Variants in TET3 observed in about 807,000 individuals in gnomAD.
TET3 encodes the protein tet methylcytosine dioxygenase 3, also known as methylcytosine dioxygenase TET3.
In TET3, 19 loss-of-function variants were observed where a neutral mutation model predicts 141.4. The observed-to-expected ratio is 0.13, with a 90% CI of 0.09 to 0.20. The LOEUF is 0.20. Among genes scored for constraint, TET3 ranks in the 10% least tolerant of loss-of-function variants. The probability of loss-of-function intolerance (pLI) is 1.00; values close to 1 mark genes in which losing one functional copy is unlikely to be tolerated. For missense variants in TET3, 1,874 were observed against 2,356.9 expected (o/e 0.80, Z 4.24); for synonymous variants, 1,043 against 980.9 (o/e 1.06, Z -1.18).
intron 3 of TET3, among the ~76,000 whole-genome samples, chr2:74,032,782 C>T (rs1216980301): frequency 6.6e-6 from 1 of 152,152 alleles, no homozygotes; most frequent in African/African-American, 2.4e-5. Flanking sequence ...CTGTGCTCCC[C>T]CTTCACCCCC....
intron 4 of TET3, among the ~76,000 whole-genome samples, chr2:74,073,227 C>T (rs1573856025): frequency 6.6e-6 from 1 of 152,198 alleles, no homozygotes; most frequent in East Asian, 1.9e-4. Flanking sequence ...ATTACTGGGT[C>T]AGGCAGGATG....
intron 2 of TET3, among the ~76,000 whole-genome samples, chr2:73,989,154 G>A (rs1383963602): frequency 1.3e-5 from 2 of 152,066 alleles, no homozygotes; most frequent in Non-Finnish European, 2.9e-5. Context: ...GACCAGCCCA[G>A]CATTTAGCAG....
intron 3 of TET3, among the ~76,000 whole-genome samples, chr2:74,010,424 A>G (rs1176076557): frequency 6.6e-6 from 1 of 152,196 alleles, no homozygotes; most frequent in Non-Finnish European, 1.5e-5. Flanking sequence ...TCCCACCCCC[A>G]CAGCCACCAC....
Position 74,093,466 on chromosome 2 carries a change from G to C in TET3, c.3130-63G>C, listed in dbSNP as rs1573905905. On this transcript the variant is annotated intron_variant, in intron 9 of 11. Transcript: ENST00000409262. The surrounding 1 kb of genome is among the most constrained non-coding windows in gnomAD (Gnocchi z 4.2). ...CTCCTTCCAAGACCTGGCCTCCCCA[G>C]GTGCAGAATCGGGGCCACTCACCTC... The C allele has an allele frequency of 5.3e-5, 80 of 1,495,782 alleles. No homozygotes were observed. The highest frequency in any genetic ancestry group is 6.6e-5 in the Non-Finnish European group (74 of 1,114,938). 92.7% of individuals were successfully genotyped at this position (1,495,782 alleles called of 1,614,324 possible).
At chr2:74,007,653 G>A (rs976751610) in intron 3 of TET3, among the ~76,000 whole-genome samples, 2 of 152,100 alleles carry the variant, frequency 1.3e-5, no homozygotes, top group Non-Finnish European at 2.9e-5. Flanking sequence ...CTTCCACTCT[G>A]TTTTCTACTC....
intron 3 of TET3, among the ~76,000 whole-genome samples, chr2:74,044,241 G>A (rs1364446595): frequency 6.6e-6 from 1 of 152,012 alleles, no homozygotes; most frequent in Non-Finnish European, 1.5e-5. Flanking sequence ...ATACTTGAGG[G>A]ACTGATTTCT....
chr2:73,991,141 G>A (rs1684300763), intron 2 of TET3, among the ~76,000 whole-genome samples: 1 of 116,886 alleles, frequency 8.6e-6, no homozygotes, highest in Non-Finnish European at 1.8e-5. Flanking sequence ...ACAGGGTCTC[G>A]CTATTTTGCC....
the TET3 span, among the ~76,000 whole-genome samples, chr2:74,114,830 G>A: frequency 8.6e-6 from 1 of 116,416 alleles, no homozygotes; most frequent in African/African-American, 3.6e-5. Context: ...CTCCAGCCTG[G>A]GTGACAGAGA....
chr2:74,047,141 G>T lies in TET3; in HGVS notation c.1224G>T (p.Val408=). Residue 408 remains valine, a synonymous_variant, in exon 4 of 12, where the codon GTG becomes GTT. Coordinates refer to ENST00000409262, the MANE Select transcript of TET3 (RefSeq NM_001287491.2). ...ACCTCCGGGCTCCCTCATGGCCTGTGGTTCCTCCTGAAGAGCACTCATCTT... is the reference window on the plus strand; with the variant it reads ...ACCTCCGGGCTCCCTCATGGCCTGTTGTTCCTCCTGAAGAGCACTCATCTT... ...QSYLRAPSWP[V]VPPEEHSSFA... is the part of the protein sequence containing the mutation. 6.2e-7 allele frequency: 1 copy of T among 1,613,916 alleles called. No individual in the cohort carries two copies.
At chr2:74,075,394 T>C (rs974817956) in intron 5 of TET3, among the ~76,000 whole-genome samples, 2 of 141,672 alleles carry the variant, frequency 1.4e-5, no homozygotes, top group Admixed American at 7.6e-5. Flanking sequence ...AGTGGTGTGG[T>C]CTTGGCTCAC....
At chr2:74,022,094 C>CCTTTTTTTTTTTTTTTT (rs57671706) in intron 3 of TET3, among the ~76,000 whole-genome samples, 1 of 82,768 alleles carries the variant, frequency 1.2e-5, no homozygotes, top group African/African-American at 5.1e-5. Context: ...TTCTAGGACA[C>CCTTTTTTTTTTTTTTTT]TTTTTTTTTT....
intron 4 of TET3, among the ~76,000 whole-genome samples, chr2:74,057,436 C>T (rs532203149): frequency 3.0e-4 from 46 of 152,360 alleles, no homozygotes; most frequent in African/African-American, 1.1e-3. Context: ...GCTGAACTTT[C>T]AAACTAATAA....
intron 3 of TET3, among the ~76,000 whole-genome samples, chr2:74,037,205 G>A (rs1409476870): frequency 1.3e-5 from 2 of 152,152 alleles, no homozygotes; most frequent in Non-Finnish European, 2.9e-5. Flanking sequence ...CTCTGCAAGG[G>A]TTCCCCTAAA....
At chr2:74,124,734 G>C in the TET3 span, among the ~76,000 whole-genome samples, 43 of 148,724 alleles carry the variant, frequency 2.9e-4, no homozygotes, top group Non-Finnish European at 5.2e-4. Context: ...CAGCATGCTC[G>C]TTAAGAGTCA....
intron 2 of TET3, among the ~76,000 whole-genome samples, chr2:74,002,362 T>TCC (rs553878723): frequency 6.8e-6 from 1 of 146,438 alleles, no homozygotes; most frequent in African/African-American, 2.5e-5. Flanking sequence ...GAAGCGGGAA[T>TCC]CCCCCCCCAC....
intron 4 of TET3, among the ~76,000 whole-genome samples, chr2:74,058,244 C>G (rs148000876): frequency 4.6e-4 from 70 of 152,238 alleles, no homozygotes; most frequent in Non-Finnish European, 7.1e-4. Flanking sequence ...TAGAAATGAA[C>G]AGTATCACTG....
intron 4 of TET3, among the ~76,000 whole-genome samples, chr2:74,051,702 CAT>C (rs1687952285): frequency 6.6e-6 from 1 of 152,190 alleles, no homozygotes; most frequent in Non-Finnish European, 1.5e-5. Context: ...ACTTAATCCT[CAT>C]AGCAGCTCTA....
At chr2:74,031,252 G>A (rs144662952) in intron 3 of TET3, among the ~76,000 whole-genome samples, 75 of 152,120 alleles carry the variant, frequency 4.9e-4, no homozygotes, top group African/African-American at 1.6e-3. Context: ...GAGAATGGAG[G>A]AGGACCAGTA....
chr2:74,060,836 TG>T (rs1011523390), intron 4 of TET3, among the ~76,000 whole-genome samples: 3 of 152,230 alleles, frequency 2.0e-5, no homozygotes, highest in African/African-American at 7.2e-5. Flanking sequence ...AGCACAGGGT[TG>T]GGGGTAAGGT....
Sources: allele counts gnomAD v4.1 joint callset (sites outside exome capture counted in the v4.1 genomes callset), GRCh38; gene constraint gnomAD v4.1.1; non-coding constraint Gnocchi (gnomAD v3.1); transcripts MANE v1.5; gene names NCBI Gene and HGNC (gene_info 2026-07-23, HGNC 2026-07-21).